AIG1: variants seen among roughly 807,000 people sequenced by gnomAD.
AIG1 encodes androgen induced 1.
Under a neutral mutation model 31.4 loss-of-function variants are expected in AIG1, and 23 were observed. The observed-to-expected ratio is 0.73, with a 90% CI of 0.53 to 1.04. AIG1 has a LOEUF of 1.04. Ranked by LOEUF, AIG1 falls within the 50% of genes least tolerant of loss-of-function variation. The probability of loss-of-function intolerance (pLI) is 0.00; values close to 1 mark genes in which losing one functional copy is unlikely to be tolerated. For synonymous variants in AIG1, 100 were observed against 110.5 expected, an observed-to-expected ratio of 0.90 and a Z score of 0.60; for missense variants, 274 against 295.0, an observed-to-expected ratio of 0.93 and a Z score of 0.52.
At chr6:143,230,251 A>G (rs1793343716) in intron 3 of AIG1, among the ~76,000 whole-genome samples, 1 of 152,102 alleles carries the variant, frequency 6.6e-6, no homozygotes, top group South Asian at 2.1e-4. Flanking sequence ...TTTACTACTT[A>G]TACAAACTTA....
intron 3 of AIG1, among the ~76,000 whole-genome samples, chr6:143,202,315 T>C (rs966374952): frequency 3.9e-5 from 6 of 152,270 alleles, no homozygotes; most frequent in Admixed American, 2.0e-4. Context: ...TTTTACTTCA[T>C]GTCCCTGAAG....
At chr6:143,180,247 C>T (rs193153111) in intron 3 of AIG1, among the ~76,000 whole-genome samples, 6 of 152,284 alleles carry the variant, frequency 3.9e-5, no homozygotes, top group African/African-American at 1.4e-4. Flanking sequence ...ATCTGCAAAT[C>T]ACCCTGATAG....
rs1332243007 is a variant in AIG1 at position 143,299,632 on chromosome 6, G to A, written c.515+15407G>A. Reference sequence around the variant, plus strand: ...GCAGAGGGATTTCAAGCCACTGAGAGGGTCTGATTGAATTCGAAAACCACA... The same window carrying A: ...GCAGAGGGATTTCAAGCCACTGAGAAGGTCTGATTGAATTCGAAAACCACA... On this transcript the variant is annotated intron_variant, in intron 4 of 5. Coordinates refer to ENST00000357847, the MANE Select transcript of AIG1 (RefSeq NM_016108.4). The surrounding 1 kb of genome is among the most constrained non-coding windows in gnomAD (Gnocchi z 4.1). 6.6e-6 allele frequency: 1 copy of A among 152,208 alleles called. No homozygotes were observed. The highest frequency in any genetic ancestry group is 1.5e-5 in the Non-Finnish European group (1 of 68,042). 9.4% of individuals were successfully genotyped at this position (152,208 alleles called of 1,614,324 possible). A position where few individuals can be genotyped will look rare whatever the true frequency, so the allele number is the denominator to read the frequency against.
At chr6:143,305,715 A>G (rs1799221145) in intron 4 of AIG1, among the ~76,000 whole-genome samples, 1 of 151,872 alleles carries the variant, frequency 6.6e-6, no homozygotes, top group African/African-American at 2.4e-5. Context: ...ATTTGGGGTG[A>G]AGAGTTCTGT....
intron 3 of AIG1, among the ~76,000 whole-genome samples, chr6:143,251,961 T>C (rs186318115): frequency 3.0e-3 from 457 of 152,358 alleles, no homozygotes; most frequent in Non-Finnish European, 5.1e-3. Flanking sequence ...CCCCAGATAG[T>C]AAGTCTTCTT....
intron 2 of AIG1, among the ~76,000 whole-genome samples, chr6:143,145,050 G>A (rs1452850047): frequency 6.6e-6 from 1 of 152,018 alleles, no homozygotes; most frequent in Non-Finnish European, 1.5e-5. Context: ...ATTGAGATAG[G>A]GTCTCACTGT....
chr6:143,162,211 A>G (rs1015120247), intron 2 of AIG1, among the ~76,000 whole-genome samples: 3 of 152,234 alleles, frequency 2.0e-5, no homozygotes, highest in African/African-American at 7.2e-5. Context: ...CAGGTTCAGC[A>G]AAATATGTGC....
chr6:143,145,914 A>T (rs1300441919), intron 2 of AIG1, among the ~76,000 whole-genome samples: 8 of 152,222 alleles, frequency 5.3e-5, no homozygotes, highest in African/African-American at 1.9e-4. Flanking sequence ...TTCATTCTCT[A>T]CCAATATCAT....
At position 143,084,877 on chromosome 6, in the gene AIG1, A is replaced by AAG. The variant is rs1441260218; in HGVS notation, c.141+23811_141+23812insAG. Among the ~76,000 whole-genome samples the AAG allele has an allele frequency of 2.6e-5, 4 of 152,178 alleles. No homozygotes were observed. The East Asian group carries it at 7.7e-4, about 29-fold the overall frequency. On this transcript the variant is annotated intron_variant, in intron 1 of 5. Coordinates refer to ENST00000357847, the MANE Select transcript of AIG1 (RefSeq NM_016108.4). Reference sequence around the variant, plus strand: ...TGATTCTGCATCCTAATGAGGGTCTACACTGGGAAGTGCTTGCTGGCCAGT... The same window carrying AAG: ...TGATTCTGCATCCTAATGAGGGTCTAAGCACTGGGAAGTGCTTGCTGGCCAGT...
intron 1 of AIG1, among the ~76,000 whole-genome samples, chr6:143,104,012 A>C (rs1039268929): frequency 6.6e-6 from 1 of 152,170 alleles, no homozygotes; most frequent in African/African-American, 2.4e-5. Context: ...GGTGGTGACA[A>C]TAGTGGTGGG....
At chr6:143,342,440 A>G, downstream of AIG1, 1 of 761,854 alleles carries the variant, frequency 1.3e-6, no homozygotes, top group East Asian at 2.4e-5. Context: ...CTCGAAGATC[A>G]GACACGGCAA....
intron 3 of AIG1, among the ~76,000 whole-genome samples, chr6:143,233,893 C>G (rs1295564730): frequency 6.6e-6 from 1 of 152,240 alleles, no homozygotes; most frequent in Non-Finnish European, 1.5e-5. Flanking sequence ...CTTCACTTTG[C>G]TGTGCCACAT....
In AIG1 at chr6:143,333,556, A is replaced by T. The variant is rs1777252867; in HGVS notation, c.679+111A>T. 4 of 1,145,482 alleles carry T rather than the reference A, an allele frequency of 3.5e-6. No individual in the cohort carries two copies. Among genetic ancestry groups the T allele is most frequent in the Middle Eastern group, 2.0e-4 (1 of 4,964 alleles). The allele number at this position is 1,145,482 out of a possible 1,614,324, so 71.0% of individuals were successfully genotyped here. Reference sequence around the variant, plus strand: ...CCTCTTCTTTTAGCCTTCACACAGGATCTCCTATAAAGAGCTCCATTTTTA... The same window carrying T: ...CCTCTTCTTTTAGCCTTCACACAGGTTCTCCTATAAAGAGCTCCATTTTTA... On this transcript the variant is annotated intron_variant, in intron 5 of 5. Coordinates refer to ENST00000357847, the MANE Select transcript of AIG1 (RefSeq NM_016108.4). The surrounding 1 kb of genome is among the most constrained non-coding windows in gnomAD (Gnocchi z 4.6).
intron 4 of AIG1, among the ~76,000 whole-genome samples, chr6:143,320,500 A>C (rs185799104): frequency 6.6e-6 from 1 of 152,380 alleles, no homozygotes; most frequent in African/African-American, 2.4e-5. Flanking sequence ...GTGTATAGAC[A>C]TAGAATGGAA....
At chr6:143,212,887 G>A (rs1258414820) in intron 3 of AIG1, among the ~76,000 whole-genome samples, 3 of 152,168 alleles carry the variant, frequency 2.0e-5, no homozygotes, top group South Asian at 4.1e-4. Flanking sequence ...TTCTAAGACA[G>A]CAACATAAGA....
At chr6:143,188,108 T>C in intron 3 of AIG1, 2 of 1,006,468 alleles carry the variant, frequency 2.0e-6, no homozygotes. Flanking sequence ...GACGGGAGTT[T>C]AAAATGAAGG....
At chr6:143,316,624 C>T (rs751048348) in intron 4 of AIG1, among the ~76,000 whole-genome samples, 4 of 151,822 alleles carry the variant, frequency 2.6e-5, no homozygotes, top group South Asian at 4.2e-4. Context: ...AACCCAAACC[C>T]GGCACAAGAA....
chr6:143,210,099 G>A (rs1172643591), intron 3 of AIG1, among the ~76,000 whole-genome samples: 1 of 152,192 alleles, frequency 6.6e-6, no homozygotes, highest in Non-Finnish European at 1.5e-5. Context: ...TGCTGTTCTT[G>A]TGATAGTGAG....
Position 143,097,558 on chromosome 6 carries a change from C to G in AIG1, c.141+36492C>G, listed in dbSNP as rs370450535. On this transcript the variant is annotated intron_variant, in intron 1 of 5. Coordinates refer to ENST00000357847, the MANE Select transcript of AIG1 (RefSeq NM_016108.4). ...GCTTGATGTTTATAACCACAAATAT[C>G]CAATGAGCGCTCCGTACTGTGCTGA... Among the ~76,000 whole-genome samples the G allele has an allele frequency of 4.1e-4, 63 of 152,272 alleles. No homozygotes were observed. The East Asian group carries it at 7.5e-3, about 18-fold the overall frequency.
Sources: allele counts gnomAD v4.1 joint callset (sites outside exome capture counted in the v4.1 genomes callset), GRCh38; gene constraint gnomAD v4.1.1; non-coding constraint Gnocchi (gnomAD v3.1); transcripts MANE v1.5; gene names NCBI Gene and HGNC (gene_info 2026-07-23, HGNC 2026-07-21).